Variants in BTBD18 observed in about 807,000 individuals in gnomAD.
BTBD18 encodes the protein BTB domain containing 18.
For synonymous variants in BTBD18, 311 were observed against 324.4 expected (o/e 0.96, Z 0.44); for missense variants, 787 against 846.3 (o/e 0.93, Z 0.87).
Position 57,745,009 on chromosome 11 carries a change from TGGG to T in BTBD18, c.1261_1263del (p.Pro421del). The T allele has an allele frequency of 6.4e-7, 1 of 1,551,636 alleles. No individual in the cohort carries two copies. The highest frequency in any genetic ancestry group is 1.2e-5 in the South Asian group (1 of 84,054). On this transcript the variant is annotated inframe_deletion, in exon 3 of 3. Coordinates refer to ENST00000422652, the MANE Select transcript of BTBD18 (RefSeq NM_001145101.3). ...AGAATGTCTTGTAGCTTAGTGCACA[TGGG>T]GGAGTCCTGACACAGTTCTGTTCTA...
rs1239350478 is a variant in BTBD18, at chr11:57,744,324, G to C, written c.1949C>G (p.Pro650Arg). 6 of 1,551,562 alleles carry C rather than the reference G, an allele frequency of 3.9e-6. No individual in the cohort carries two copies. In the East Asian group the frequency reaches 1.2e-4, roughly 32 times the overall value. ...VSLTTDELLY[P>R]SPKAGKEVSG... is the part of the protein sequence containing the mutation. The stretch of plus-strand genomic sequence containing the variant: ...TACCTCCTTGCCTGCCTTGGGAGAA[G>C]GGTATAATAACTCATCTGTAGTCAA... The change falls in exon 3 of 3, where the codon CCT becomes CGT. Residue 650 changes from proline (P) to arginine (R), a missense_variant. Physicochemically the swap from Pro to Arg is moderately radical, Grantham distance 103. Coordinates refer to ENST00000422652, the MANE Select transcript of BTBD18 (RefSeq NM_001145101.3).
Position 57,745,617 on chromosome 11 carries a change from T to C in BTBD18, c.656A>G (p.Glu219Gly). ...ATGGCTTGATGGTGAAGAGTTTTTT[T>C]CTTGTGGAGTTGGGCAGGCTCTGGC... is the stretch of plus-strand genomic sequence containing the variant. Reference protein sequence around the residue: ...RKARACPTPQEKNSSPSSHSQ... With the variant: ...RKARACPTPQGKNSSPSSHSQ... The change falls in exon 3 of 3, where the codon GAA (glutamate) becomes GGA (glycine). Residue 219 changes from glutamate to glycine, a missense_variant. Transcript: ENST00000422652. 1 of 1,551,666 alleles carries C rather than the reference T, an allele frequency of 6.4e-7. No homozygotes were observed. The highest frequency in any genetic ancestry group is 1.4e-5 in the African/African-American group (1 of 73,160).
Position 57,744,891 on chromosome 11 carries a change from A to G in BTBD18, c.1382T>C (p.Ile461Thr), listed in dbSNP as rs1224279070. The G allele has an allele frequency of 3.9e-6, 6 of 1,551,510 alleles. No individual in the cohort carries two copies. The African/African-American group carries it at 5.5e-5, about 14-fold the overall frequency. The change falls in exon 3 of 3, where the codon ATT becomes ACT. Residue 461 changes from isoleucine to threonine, a missense_variant. Coordinates refer to ENST00000422652, the MANE Select transcript of BTBD18 (RefSeq NM_001145101.3). ...AAATGCATAGGGTTCTCTGCAGTCAATAGCCAACATAGGTTCCTTCTCTAC... is the reference window on the plus strand; with the variant it reads ...AAATGCATAGGGTTCTCTGCAGTCAGTAGCCAACATAGGTTCCTTCTCTAC... ...ELVEKEPMLA[I>T]DCREPYAFDT...
In BTBD18 at chr11:57,745,714, C is replaced by G. The variant is rs371367790; in HGVS notation, c.559G>C (p.Glu187Gln). The G allele has an allele frequency of 1.9e-6, 3 of 1,551,520 alleles. No individual in the cohort carries two copies. The highest frequency in any genetic ancestry group is 1.7e-6 in the Non-Finnish European group (2 of 1,146,986). Residue 187 changes from glutamate (E) to glutamine (Q), a missense_variant, in exon 3 of 3, where the codon GAA becomes CAA. Glu to Gln is a conservative substitution (Grantham distance 29). Coordinates refer to ENST00000422652, the MANE Select transcript of BTBD18 (RefSeq NM_001145101.3). ...CGGTTGTTTTCCTGGGGCCCCTCTTCCTTCCCCAAGGACTTCAATCTTATT... is the reference window on the plus strand; with the variant it reads ...CGGTTGTTTTCCTGGGGCCCCTCTTGCTTCCCCAAGGACTTCAATCTTATT... ...GAIRLKSLGK[E>Q]EGPQENNRQN...
At position 57,751,641 on chromosome 11, in the gene BTBD18, C is replaced by T. The variant is rs534072262; in HGVS notation, c.-149G>A. 1 of 152,568 alleles carries T rather than the reference C, an allele frequency of 6.6e-6. No individual in the cohort carries two copies. Among genetic ancestry groups the T allele is most frequent in the African/African-American group, 2.4e-5 (1 of 41,448 alleles). 9.5% of individuals were successfully genotyped at this position (152,568 alleles called of 1,614,324 possible). A position where few individuals can be genotyped will look rare whatever the true frequency, so the allele number is the denominator to read the frequency against. On this transcript the variant is annotated 5_prime_UTR_variant, in exon 1 of 3. Coordinates refer to ENST00000422652, the MANE Select transcript of BTBD18 (RefSeq NM_001145101.3). The stretch of plus-strand genomic sequence containing the variant: ...ATAACTACCAAGCCCCAAATGGTAA[C>T]TATTATTATCCTTCAACCTTCCTCA...
At position 57,745,765 on chromosome 11, in the gene BTBD18, T is replaced by G; in HGVS notation, c.508A>C (p.Asn170His). 1 of 1,551,568 alleles carries G rather than the reference T, an allele frequency of 6.4e-7. No homozygotes were observed. Among genetic ancestry groups the G allele is most frequent in the Non-Finnish European group, 8.7e-7 (1 of 1,146,974 alleles). ...SHHPHTPLPT[N>H]QTPCPLGAIR... ...GCCCCAAGAGGACAAGGAGTTTGAT[T>G]AGTGGGCAGTGGGGTGTGAGGGTGG... Residue 170 changes from asparagine to histidine, a missense_variant, in exon 3 of 3, where the codon AAT becomes CAT. Coordinates refer to ENST00000422652, the MANE Select transcript of BTBD18 (RefSeq NM_001145101.3).
At chr11:57,753,141 C>G (rs1331510541), upstream of BTBD18, 1 of 156,334 alleles carries the variant, frequency 6.4e-6, no homozygotes, top group East Asian at 1.9e-4. Context: ...TAGCGCGCTG[C>G]GCGTCGCAGA....
upstream of BTBD18, chr11:57,751,916 G>C (rs1949319553): frequency 1.3e-5 from 2 of 152,244 alleles, no homozygotes; most frequent in Admixed American, 1.3e-4. Context: ...ACAGAACCAA[G>C]GACGTTGCCA....
In BTBD18 at chr11:57,745,325, T is replaced by C; in HGVS notation, c.948A>G (p.Arg316=). ...ETPEDKPKPG[R]ASPLQSTPNP... is the part of the protein sequence containing the mutation. ...TTGGGGTGCTCTGCAGAGGACTAGC[T>C]CTGCCTGGTTTTGGCTTGTCCTCTG... The change falls in exon 3 of 3, where the codon AGA becomes AGG. Residue 316 remains arginine (R), a synonymous_variant. Coordinates refer to ENST00000422652, the MANE Select transcript of BTBD18 (RefSeq NM_001145101.3). 6.4e-7 allele frequency: 1 copy of C among 1,551,698 alleles called. No homozygotes were observed. Among genetic ancestry groups the C allele is most frequent in the African/African-American group, 1.4e-5 (1 of 73,182 alleles).
Position 57,744,710 on chromosome 11 carries a change from G to A in BTBD18, c.1563C>T (p.Gly521=). ...IGSLESPGAE[G]CRTPTYHLTE... is the part of the protein sequence containing the mutation. ...TCAGATGGTAGGTAGGCGTTCTGCAGCCCTCAGCCCCTGGACTCTCCAGAG... is the reference window on the plus strand; with the variant it reads ...TCAGATGGTAGGTAGGCGTTCTGCAACCCTCAGCCCCTGGACTCTCCAGAG... The change falls in exon 3 of 3, where the codon GGC becomes GGT. Residue 521 remains glycine, a synonymous_variant. Coordinates refer to ENST00000422652, the MANE Select transcript of BTBD18 (RefSeq NM_001145101.3). 6.4e-7 allele frequency: 1 copy of A among 1,551,728 alleles called. No homozygotes were observed. The highest frequency in any genetic ancestry group is 8.7e-7 in the Non-Finnish European group (1 of 1,146,998).
At position 57,744,746 on chromosome 11, in the gene BTBD18, T is replaced by C; in HGVS notation, c.1527A>G (p.Pro509=). ...CTGGACTCTCCAGAGACCCTATAGGTGGTTCAATGTCTGAGCCACAGAGCA... is the reference window on the plus strand; with the variant it reads ...CTGGACTCTCCAGAGACCCTATAGGCGGTTCAATGTCTGAGCCACAGAGCA... ...DFMLCGSDIE[P]PIGSLESPGA... is the part of the protein sequence containing the mutation. The change falls in exon 3 of 3, where the codon CCA becomes CCG. Residue 509 remains proline, a synonymous_variant. Coordinates refer to ENST00000422652, the MANE Select transcript of BTBD18 (RefSeq NM_001145101.3). 6.4e-7 allele frequency: 1 copy of C among 1,551,652 alleles called. No homozygotes were observed. The highest frequency in any genetic ancestry group is 8.7e-7 in the Non-Finnish European group (1 of 1,146,982).
At position 57,745,523 on chromosome 11, in the gene BTBD18, C is replaced by G; in HGVS notation, c.750G>C (p.Leu250Phe). The change falls in exon 3 of 3, where the codon TTG (leucine) becomes TTC (phenylalanine). Residue 250 changes from leucine (L) to phenylalanine (F), a missense_variant. Physicochemically the swap from Leu to Phe is conservative, Grantham distance 22. Coordinates refer to ENST00000422652, the MANE Select transcript of BTBD18 (RefSeq NM_001145101.3). The stretch of plus-strand genomic sequence containing the variant: ...ACAGGTGTTTGTCCACAGAGGGGTA[C>G]AAGCTGGGTGGGGAGAGCACTGTAG... ...LDPTVLSPPS[L>F]YPSVDKHLLP... is the part of the protein sequence containing the mutation. The G allele has an allele frequency of 1.3e-6, 2 of 1,549,728 alleles. No homozygotes were observed. Among genetic ancestry groups the G allele is most frequent in the Non-Finnish European group, 1.7e-6 (2 of 1,146,978 alleles).
rs1247390662 is a variant in BTBD18 at position 57,745,473 on chromosome 11, C to T, written c.800G>A (p.Arg267His). 2.6e-6 allele frequency: 4 copies of T among 1,550,296 alleles called. No homozygotes were observed. Among genetic ancestry groups the T allele is most frequent in the Admixed American group, 3.9e-5 (2 of 51,006 alleles). ...HLLPRKIRLS[R>H]SKPSPGICTS... ...ACAGATACCAGGAGATGGCTTTGAGCGACTGAGCCTGATCTTTCTGGGCAA... is the reference window on the plus strand; with the variant it reads ...ACAGATACCAGGAGATGGCTTTGAGTGACTGAGCCTGATCTTTCTGGGCAA... Residue 267 changes from arginine (R) to histidine (H), a missense_variant, in exon 3 of 3, where the codon CGC becomes CAC. Arg to His is a conservative substitution (Grantham distance 29, BLOSUM62 0). Transcript: ENST00000422652.
intron 1 of BTBD18, 24 bp from the exon 2 acceptor site, chr11:57,751,260 A>C: frequency 1.6e-6 from 2 of 1,244,610 alleles, no homozygotes; most frequent in Non-Finnish European, 2.1e-6. Context: ...AATACATTTC[A>C]GAGGCATGGT....
chr11:57,749,916 C>T (rs1160065692), intron 2 of BTBD18, among the ~76,000 whole-genome samples: 1 of 152,118 alleles, frequency 6.6e-6, no homozygotes, highest in Non-Finnish European at 1.5e-5. Context: ...CTTTATATAT[C>T]AGGATCTACT....
chr11:57,745,402 C>G lies in BTBD18; in HGVS notation c.871G>C (p.Ala291Pro), dbSNP rs1401856462. 5.2e-6 allele frequency: 8 copies of G among 1,551,582 alleles called. No homozygotes were observed. The highest frequency in any genetic ancestry group is 7.0e-6 in the Non-Finnish European group (8 of 1,147,014). The change falls in exon 3 of 3, where the codon GCA becomes CCA. Residue 291 changes from alanine (A) to proline (P), a missense_variant. Ala to Pro is a conservative substitution (Grantham distance 27). Coordinates refer to ENST00000422652, the MANE Select transcript of BTBD18 (RefSeq NM_001145101.3). ...CGCCAAAGACGCCGGCCAGGGGTTG[C>G]AGGCACTGAGCTAGATCCACTTAAA... ...SILSGSSSVP[A>P]TPGRRLWRQR...
chr11:57,746,826 C>T (rs1427840755), intron 2 of BTBD18, among the ~76,000 whole-genome samples: 1 of 110,818 alleles, frequency 9.0e-6, no homozygotes, highest in African/African-American at 3.0e-5. Context: ...AAAAAAAAAG[C>T]CTTCCTCCAC....
chr11:57,751,322 A>AGACTCAGAGAAGTTAGGTCACCTGTGT, intron 1 of BTBD18, 86 bp from the exon 2 acceptor site: 1 of 653,152 alleles, frequency 1.5e-6, no homozygotes, highest in Non-Finnish European at 2.4e-6. Context: ...TTTGAAAGTG[A>AGACTCAGAGAAGTTAGGTCACCTGTGT]GAGATAATAG....
rs757030820 is a variant in BTBD18, at chr11:57,745,944, G to A, written c.329C>T (p.Ser110Phe). 6.4e-5 allele frequency: 99 copies of A among 1,551,584 alleles called. No homozygotes were observed. The highest frequency in any genetic ancestry group is 8.4e-5 in the Non-Finnish European group (96 of 1,147,002). The part of the protein sequence containing the change: ...VSQEEAQDVL[S>F]AARQLRVSEL... Reference sequence around the variant, plus strand: ...AGACACACGGAGCTGACGGGCAGCAGATAGCACATCCTGGGCTTCTTCTTG... The same window carrying A: ...AGACACACGGAGCTGACGGGCAGCAAATAGCACATCCTGGGCTTCTTCTTG... The change falls in exon 3 of 3, where the codon TCT becomes TTT. Residue 110 changes from serine (S) to phenylalanine (F), a missense_variant. Coordinates refer to ENST00000422652, the MANE Select transcript of BTBD18 (RefSeq NM_001145101.3).
Sources: gnomAD v4.1 joint callset for allele counts (sites outside exome capture counted in the v4.1 genomes callset) on GRCh38, gnomAD v4.1.1 for gene constraint, MANE v1.5 for transcripts, NCBI Gene and HGNC (gene_info 2026-07-23, HGNC 2026-07-21) for gene names.